ELP4: variants seen among roughly 807,000 people sequenced by gnomAD.
ELP4 encodes elongator acetyltransferase complex subunit 4.
ELP4 carries 51 observed loss-of-function variants against 48.9 expected under a neutral mutation model. The ratio of observed to expected loss-of-function variants is 1.04; its 90% CI spans 0.83 to 1.32. The LOEUF (loss-of-function observed/expected upper bound fraction) is 1.32. Ranked by LOEUF, ELP4 falls within the 40% of genes most tolerant of loss-of-function variation. The pLI is 0.00. For missense variants in ELP4, 519 were observed against 514.6 expected (o/e 1.01, Z -0.08); for synonymous variants, 210 against 189.2 (o/e 1.11, Z -0.90).
chr11:31,581,049 A>G (rs535652486), intron 3 of ELP4, among the ~76,000 whole-genome samples: 2 of 152,286 alleles, frequency 1.3e-5, no homozygotes, highest in East Asian at 3.9e-4. Context: ...AGAGGTAACA[A>G]TTGCCTCATT....
At chr11:31,597,098 G>A (rs1324157173) in intron 4 of ELP4, among the ~76,000 whole-genome samples, 1 of 152,010 alleles carries the variant, frequency 6.6e-6, no homozygotes, top group African/African-American at 2.4e-5. Context: ...TAACCTTCAC[G>A]ATTACAAAAA....
intron 2 of ELP4, among the ~76,000 whole-genome samples, chr11:31,539,272 G>A (rs1467999165): frequency 6.6e-6 from 1 of 152,168 alleles, no homozygotes; most frequent in African/African-American, 2.4e-5. Context: ...AGACCATCCT[G>A]GCTAACACAG....
At chr11:31,523,509 T>C (rs964149016) in intron 2 of ELP4, among the ~76,000 whole-genome samples, 1 of 152,166 alleles carries the variant, frequency 6.6e-6, no homozygotes, top group Non-Finnish European at 1.5e-5. Flanking sequence ...GAGTACTGTA[T>C]TTACAGCTTC....
chr11:31,741,802 A>C (rs1415657359), intron 9 of ELP4, among the ~76,000 whole-genome samples: 2 of 152,212 alleles, frequency 1.3e-5, no homozygotes, highest in Non-Finnish European at 2.9e-5. Flanking sequence ...GGAATAAAAC[A>C]GAGCAGAAAA....
At chr11:31,522,141 G>C (rs1956223865) in intron 2 of ELP4, among the ~76,000 whole-genome samples, 2 of 152,112 alleles carry the variant, frequency 1.3e-5, no homozygotes, top group South Asian at 4.1e-4. Flanking sequence ...TTACATGTAA[G>C]AGAGAAAAAT....
chr11:31,543,433 C>T (rs1191641230), intron 3 of ELP4, among the ~76,000 whole-genome samples: 2 of 152,090 alleles, frequency 1.3e-5, no homozygotes, highest in East Asian at 3.9e-4. Context: ...CATTCTCCTG[C>T]CTCAGCCTCC....
At chr11:31,544,908 T>G (rs1360518093) in intron 3 of ELP4, among the ~76,000 whole-genome samples, 1 of 152,074 alleles carries the variant, frequency 6.6e-6, no homozygotes, top group Non-Finnish European at 1.5e-5. Context: ...GGAGTGGACC[T>G]CTAGCAAACT....
At chr11:31,629,854 A>T (rs1944821790) in intron 6 of ELP4, among the ~76,000 whole-genome samples, 1 of 151,768 alleles carries the variant, frequency 6.6e-6, no homozygotes, top group African/African-American at 2.4e-5. Context: ...TGAGATAACA[A>T]ATTTAGAGAT....
chr11:31,789,558 T>A lies in ELP4; in HGVS notation c.*6034T>A. ...ACTCTTAAATTCGTGGCAAAGCTTG[T>A]TGATCATGGTTTTCTTTTTAAAAAA... is the stretch of plus-strand genomic sequence containing the variant. On this transcript the variant is annotated 3_prime_UTR_variant, in exon 10 of 10. Transcript: ENST00000640961. 1 of 602,910 alleles carries A rather than the reference T, an allele frequency of 1.7e-6. No homozygotes were observed. Among genetic ancestry groups the A allele is most frequent in the Non-Finnish European group, 2.9e-6 (1 of 343,402 alleles). 37.3% of individuals were successfully genotyped at this position (602,910 alleles called of 1,614,324 possible).
intron 9 of ELP4, among the ~76,000 whole-genome samples, chr11:31,757,921 A>G (rs573461266): frequency 2.8e-4 from 42 of 152,330 alleles, no homozygotes; most frequent in African/African-American, 8.7e-4. Context: ...TACAAAATAT[A>G]CTTAACATTG....
rs989980222 is a variant in ELP4, at chr11:31,615,165, T to G, written c.653+11258T>G. On this transcript the variant is annotated intron_variant, in intron 5 of 9. Transcript: ENST00000640961. ...AGTGGAATGGGAAAAAAAAGATTTTTTGTTCTATATTTGCAACTTTTATGT... is the reference window on the plus strand; with the variant it reads ...AGTGGAATGGGAAAAAAAAGATTTTGTGTTCTATATTTGCAACTTTTATGT... Among the ~76,000 whole-genome samples the G allele has an allele frequency of 7.6e-4, 115 of 152,288 alleles. 2 individuals are homozygous for G. Among genetic ancestry groups the G allele is most frequent in the African/African-American group, 2.2e-4 (9 of 41,574 alleles).
At chr11:31,758,088 A>G (rs1216739910) in intron 9 of ELP4, among the ~76,000 whole-genome samples, 2 of 152,190 alleles carry the variant, frequency 1.3e-5, no homozygotes, top group East Asian at 3.9e-4. Context: ...TTTATACTTA[A>G]TGTCATTGGT....
intron 9 of ELP4, among the ~76,000 whole-genome samples, chr11:31,702,556 A>T (rs1409121801): frequency 6.6e-6 from 1 of 152,114 alleles, no homozygotes; most frequent in Non-Finnish European, 1.5e-5. Context: ...GATAAATTTT[A>T]TGCTATGTAT....
At chr11:31,740,388 A>G (rs1261426480) in intron 9 of ELP4, among the ~76,000 whole-genome samples, 1 of 152,338 alleles carries the variant, frequency 6.6e-6, no homozygotes, top group East Asian at 1.9e-4. Context: ...TCTACACCCA[A>G]TTGGCTTTTA....
chr11:31,602,783 T>C (rs1046231827), intron 4 of ELP4, among the ~76,000 whole-genome samples: 2 of 151,948 alleles, frequency 1.3e-5, no homozygotes, highest in Non-Finnish European at 1.5e-5. Context: ...TCTGTAGTGA[T>C]TATCTAGTTT....
At chr11:31,658,722 G>T (rs1056593512) in intron 9 of ELP4, among the ~76,000 whole-genome samples, 7 of 151,660 alleles carry the variant, frequency 4.6e-5, no homozygotes, top group African/African-American at 1.7e-4. Context: ...TTTTTCTAAG[G>T]TATTTTACAT....
chr11:31,738,372 A>AG (rs1947368924), intron 9 of ELP4, among the ~76,000 whole-genome samples: 1 of 151,894 alleles, frequency 6.6e-6, no homozygotes, highest in Non-Finnish European at 1.5e-5. Flanking sequence ...TGATTACACC[A>AG]CTGTACGCCA....
chr11:31,618,405 T>C (rs973025456), intron 5 of ELP4, among the ~76,000 whole-genome samples: 6 of 152,078 alleles, frequency 3.9e-5, no homozygotes, highest in Non-Finnish European at 7.4e-5. Flanking sequence ...CACTGCACTT[T>C]CCAGAGGGGA....
chr11:31,644,374 G>A (rs1434824857), intron 7 of ELP4, among the ~76,000 whole-genome samples: 1 of 151,736 alleles, frequency 6.6e-6, no homozygotes, highest in Non-Finnish European at 1.5e-5. Flanking sequence ...ACGTACAAAT[G>A]CCTCTACTTC....
Sources: gnomAD v4.1 joint callset for allele counts (sites outside exome capture counted in the v4.1 genomes callset) on GRCh38, gnomAD v4.1.1 for gene constraint, MANE v1.5 for transcripts, NCBI Gene and HGNC (gene_info 2026-07-23, HGNC 2026-07-21) for gene names.